Variants in KAT6B observed in about 807,000 individuals in gnomAD.
The protein encoded by KAT6B is histone acetyltransferase KAT6B.
KAT6B carries 10 observed loss-of-function variants against 187.5 expected under a neutral mutation model. The ratio of observed to expected loss-of-function variants is 0.05; its 90% CI spans 0.03 to 0.09. The LOEUF (loss-of-function observed/expected upper bound fraction) is 0.09. Ranked by LOEUF, KAT6B falls within the 10% of genes least tolerant of loss-of-function variation. KAT6B has a pLI of 1.00. For synonymous variants in KAT6B, 861 were observed against 926.8 expected (o/e 0.93, Z 1.29); for missense variants, 1,952 against 2,558.9 (o/e 0.76, Z 5.12).
At chr10:74,940,454 T>G (rs1276554775) in intron 3 of KAT6B, among the ~76,000 whole-genome samples, 1 of 151,930 alleles carries the variant, frequency 6.6e-6, no homozygotes, top group East Asian at 1.9e-4. Context: ...TTTTGTATTT[T>G]TAGTAGAGAT....
intron 1 of KAT6B, among the ~76,000 whole-genome samples, chr10:74,829,263 T>C (rs1840545843): frequency 6.6e-6 from 1 of 152,144 alleles, no homozygotes; most frequent in South Asian, 2.1e-4. Flanking sequence ...GTAAATAGCA[T>C]GAGTATTAGA....
In KAT6B at chr10:75,028,845, G is replaced by A. The variant is rs1282806882; in HGVS notation, c.4021G>A (p.Glu1341Lys). Residue 1341 changes from glutamate (E) to lysine (K), a missense_variant, in exon 18 of 18, where the codon GAA becomes AAA. Glu to Lys is a moderately conservative substitution (Grantham distance 56). This residue lies in a region of KAT6B where 758 missense variants were observed against 891.4 expected (regional missense o/e 0.85). Coordinates refer to ENST00000287239, the MANE Select transcript of KAT6B (RefSeq NM_012330.4). ...TGTAAGTCCAAACACATCACCAGGT[G>A]AAAAACCAGAAGATGATCTCATCAA... The part of the protein sequence containing the change: ...APVSPNTSPG[E>K]KPEDDLIKPE... 1.2e-6 allele frequency: 2 copies of A among 1,613,880 alleles called. No individual in the cohort carries two copies. The highest frequency in any genetic ancestry group is 1.7e-6 in the Non-Finnish European group (2 of 1,180,020).
intron 6 of KAT6B, among the ~76,000 whole-genome samples, chr10:74,971,118 A>G (rs1841824246): frequency 6.6e-6 from 1 of 152,152 alleles, no homozygotes; most frequent in African/African-American, 2.4e-5. Context: ...ACATTATACA[A>G]TCTAGGTCCT....
intron 10 of KAT6B, 52 bp from the exon 11 acceptor site, chr10:74,981,735 C>T: frequency 8.0e-7 from 1 of 1,257,114 alleles, no homozygotes; most frequent in Admixed American, 1.7e-5. Context: ...TTAATCTTCC[C>T]CCCAACAGTA....
At chr10:74,962,475 T>C (rs1841167995) in intron 4 of KAT6B, among the ~76,000 whole-genome samples, 1 of 152,186 alleles carries the variant, frequency 6.6e-6, no homozygotes. Context: ...GCCTTCTCAC[T>C]CTCAGAAGAG....
At chr10:74,991,135 T>A (rs987517937) in intron 13 of KAT6B, among the ~76,000 whole-genome samples, 4 of 152,206 alleles carry the variant, frequency 2.6e-5, no homozygotes, top group African/African-American at 9.7e-5. Context: ...CTATATGGTA[T>A]CACACTTACA....
At chr10:74,880,530 A>G (rs1326576412) in intron 3 of KAT6B, among the ~76,000 whole-genome samples, 4 of 152,184 alleles carry the variant, frequency 2.6e-5, no homozygotes, top group Non-Finnish European at 4.4e-5. Flanking sequence ...TACTATGAAC[A>G]TTTGTGTACA....
At chr10:74,920,958 G>GA (rs1848066996) in intron 3 of KAT6B, among the ~76,000 whole-genome samples, 2 of 152,146 alleles carry the variant, frequency 1.3e-5, no homozygotes, top group South Asian at 4.1e-4. Context: ...TAAAAGGAAA[G>GA]ATTATTTGGC....
At chr10:74,968,339 T>G (rs1773503034) in intron 4 of KAT6B, among the ~76,000 whole-genome samples, 2 of 152,128 alleles carry the variant, frequency 1.3e-5, no homozygotes, top group African/African-American at 4.8e-5. Context: ...CATAATCCTG[T>G]GACAATATTT....
Position 74,969,643 on chromosome 10 carries a change from G to C in KAT6B, c.731-17G>C. 6.7e-7 allele frequency: 1 copy of C among 1,494,294 alleles called. No individual in the cohort carries two copies. The highest frequency in any genetic ancestry group is 9.3e-7 in the Non-Finnish European group (1 of 1,071,140). 92.6% of individuals were successfully genotyped at this position (1,494,294 alleles called of 1,614,324 possible). On this transcript the variant is annotated splice_polypyrimidine_tract_variant and intron_variant, in intron 4 of 17. Transcript: ENST00000287239. Reference sequence around the variant, plus strand: ...AGGCACCATTCCCATCAAGCAATTTGCTTTTTATTCTCATAGGACACCCAT... The same window carrying C: ...AGGCACCATTCCCATCAAGCAATTTCCTTTTTATTCTCATAGGACACCCAT...
At chr10:75,002,974 A>G (rs1259850017) in intron 13 of KAT6B, 1 of 152,230 alleles carries the variant, frequency 6.6e-6, no homozygotes, top group South Asian at 2.1e-4. Flanking sequence ...AACTTTTAAA[A>G]TGTGCTTTCC....
chr10:75,025,336 A>G (rs1845741271), intron 17 of KAT6B, 87 bp downstream of exon 17: 3 of 1,398,922 alleles, frequency 2.1e-6, no homozygotes, highest in Non-Finnish European at 2.0e-6. Context: ...CGTGATGCCC[A>G]GAGGCACCTG....
chr10:74,948,733 A>G (rs1840113894), intron 3 of KAT6B, among the ~76,000 whole-genome samples: 1 of 152,196 alleles, frequency 6.6e-6, no homozygotes, highest in East Asian at 1.9e-4. Flanking sequence ...TGTTTCTTGT[A>G]AATTGTTGTT....
chr10:74,911,444 T>G (rs992899126), intron 3 of KAT6B, among the ~76,000 whole-genome samples: 14 of 152,016 alleles, frequency 9.2e-5, no homozygotes, highest in African/African-American at 3.4e-4. Flanking sequence ...TTTTTTGTAT[T>G]TTTAGTAGAG....
intron 3 of KAT6B, among the ~76,000 whole-genome samples, chr10:74,935,145 GA>G (rs1479122076): frequency 6.6e-6 from 1 of 152,152 alleles, no homozygotes; most frequent in East Asian, 1.9e-4. Context: ...CAGGATTGTT[GA>G]AATAATTTAA....
chr10:74,936,905 G>A (rs1045665257), intron 3 of KAT6B, among the ~76,000 whole-genome samples: 14 of 152,356 alleles, frequency 9.2e-5, no homozygotes, highest in Admixed American at 4.6e-4. Context: ...AGGATGGCAT[G>A]AGAAGGGTGG....
chr10:74,966,251 A>G (rs892279055), intron 4 of KAT6B, among the ~76,000 whole-genome samples: 2 of 152,180 alleles, frequency 1.3e-5, no homozygotes, highest in Non-Finnish European at 2.9e-5. Flanking sequence ...CCAAGTCCGT[A>G]AAAGGTTCTC....
At chr10:74,877,978 A>G (rs891084263) in intron 3 of KAT6B, among the ~76,000 whole-genome samples, 9 of 152,214 alleles carry the variant, frequency 5.9e-5, no homozygotes, top group African/African-American at 2.2e-4. Context: ...ATTTTAAACA[A>G]ATAAGAAATA....
At chr10:74,993,052 C>T (rs1332465790) in intron 13 of KAT6B, among the ~76,000 whole-genome samples, 1 of 152,178 alleles carries the variant, frequency 6.6e-6, no homozygotes, top group African/African-American at 2.4e-5. Context: ...CTCTCTCTCC[C>T]TCCGTCCCCA....
Sources: allele counts gnomAD v4.1 joint callset (sites outside exome capture counted in the v4.1 genomes callset), GRCh38; gene constraint gnomAD v4.1.1; regional missense constraint gnomAD v4.1.1; transcripts MANE v1.5; gene names NCBI Gene and HGNC (gene_info 2026-07-23, HGNC 2026-07-21).